PRKCZ: variants seen among roughly 807,000 people sequenced by gnomAD.
PRKCZ encodes the protein protein kinase C zeta type.
A neutral mutation model predicts 79.5 loss-of-function variants in PRKCZ; 33 were observed. The observed-to-expected ratio is 0.41, with a 90% CI of 0.31 to 0.55. The LOEUF is 0.55. Ranked by LOEUF, PRKCZ falls within the 20% of genes least tolerant of loss-of-function variation. PRKCZ has a pLI of 0.19. For missense variants in PRKCZ, 578 were observed against 813.5 expected, an observed-to-expected ratio of 0.71 and a Z score of 3.52; for synonymous variants, 342 against 320.9, an observed-to-expected ratio of 1.07 and a Z score of -0.70.
At chr1:2,061,175 CTG>C (rs762441641) in intron 4 of PRKCZ, among the ~76,000 whole-genome samples, 7 of 152,194 alleles carry the variant, frequency 4.6e-5, no homozygotes, top group Non-Finnish European at 1.0e-4. Flanking sequence ...TGTGCTGAGA[CTG>C]TGCACTCCCA....
At position 2,169,510 on chromosome 1, in the gene PRKCZ, C is replaced by G; in HGVS notation, c.975-8C>G. On this transcript the variant is annotated splice_polypyrimidine_tract_variant and splice_region_variant and intron_variant, in intron 10 of 17. Coordinates refer to ENST00000378567, the MANE Select transcript of PRKCZ (RefSeq NM_002744.6). ...TGACTGCAGCCTCCGGCGCCTCTCT[C>G]CCTGCAGGTTGTTCCTGGTCATTGA... The G allele has an allele frequency of 1.3e-6, 2 of 1,549,230 alleles. No homozygotes were observed. Among genetic ancestry groups the G allele is most frequent in the Admixed American group, 2.0e-5 (1 of 50,910 alleles).
At chr1:2,110,038 G>A (rs1038554532) in intron 4 of PRKCZ, among the ~76,000 whole-genome samples, 7 of 151,892 alleles carry the variant, frequency 4.6e-5, no homozygotes, top group African/African-American at 9.7e-5. Context: ...CCTCCCTGGG[G>A]GCAGCCAAGG....
rs1246272832 is a variant in PRKCZ at position 2,173,785 on chromosome 1, C to T, written c.1286-112C>T. On this transcript the variant is annotated intron_variant, in intron 13 of 17. Coordinates refer to ENST00000378567, the MANE Select transcript of PRKCZ (RefSeq NM_002744.6). This position sits in a 1 kb window ranked among gnomAD's most constrained non-coding sequence, Gnocchi z 5.7. The stretch of plus-strand genomic sequence containing the variant: ...CACAGAGGCCTGTGTGCCGCCTGCT[C>T]AAGCCTGGCTCACACTCGTGTCAAC... 1 of 1,445,476 alleles carries T rather than the reference C, an allele frequency of 6.9e-7. No homozygotes were observed. 89.5% of individuals were successfully genotyped at this position (1,445,476 alleles called of 1,614,324 possible).
At chr1:2,111,189 G>A (rs1226278273) in intron 4 of PRKCZ, among the ~76,000 whole-genome samples, 1 of 152,096 alleles carries the variant, frequency 6.6e-6, no homozygotes, top group African/African-American at 2.4e-5. Context: ...GGCCTAACTC[G>A]GGCTGAGCTG....
At chr1:2,114,046 G>A (rs931170620) in intron 4 of PRKCZ, among the ~76,000 whole-genome samples, 5 of 152,192 alleles carry the variant, frequency 3.3e-5, no homozygotes, top group African/African-American at 9.7e-5. Context: ...GGTGCGTGTG[G>A]CGCGTGGGTG....
intron 16 of PRKCZ, chr1:2,181,773 C>T (rs921539677): frequency 4.4e-6 from 2 of 454,328 alleles, no homozygotes; most frequent in Admixed American, 2.3e-5. Flanking sequence ...TAAAGCAGCA[C>T]AGGACTAAGG....
chr1:2,166,265 A>G (rs1683297414), intron 10 of PRKCZ, among the ~76,000 whole-genome samples: 1 of 152,100 alleles, frequency 6.6e-6, no homozygotes, highest in Non-Finnish European at 1.5e-5. Context: ...CAAAAAATTT[A>G]AAAATTAGCT....
Position 2,055,565 on chromosome 1 carries a change from A to C in PRKCZ, c.193+3A>C, listed in dbSNP as rs781222317. On this transcript the variant is annotated splice_donor_region_variant and intron_variant, in intron 2 of 17. Transcript: ENST00000378567. ...CCTCAAGTGGGTGGACAGCGAAGGT[A>C]GCCCTTGTCCCATGTTGGCCAGAAT... 3 of 1,612,876 alleles carry C rather than the reference A, an allele frequency of 1.9e-6. No homozygotes were observed. Among genetic ancestry groups the C allele is most frequent in the South Asian group, 1.1e-5 (1 of 90,896 alleles).
intron 4 of PRKCZ, among the ~76,000 whole-genome samples, chr1:2,068,943 C>T (rs1310269484): frequency 2.0e-5 from 3 of 152,182 alleles, no homozygotes; most frequent in Non-Finnish European, 4.4e-5. Context: ...TCGGACCCCT[C>T]TAAGAAGGGA....
intron 1 of PRKCZ, among the ~76,000 whole-genome samples, chr1:2,053,732 A>G (rs947620648): frequency 6.6e-6 from 1 of 151,506 alleles, no homozygotes; most frequent in Non-Finnish European, 1.5e-5. Context: ...GTGATGGCCG[A>G]CTCCCACTCT....
In PRKCZ at chr1:2,125,237, A is replaced by G. The variant is rs1673640611; in HGVS notation, c.335-10025A>G. ...AAGGAGCGGTATTTGGTATGAATTT[A>G]TTTGCAACTGACTGCTTGGAAGTTG... On this transcript the variant is annotated intron_variant, in intron 4 of 17. Coordinates refer to ENST00000378567, the MANE Select transcript of PRKCZ (RefSeq NM_002744.6). The surrounding 1 kb of genome is among the most constrained non-coding windows in gnomAD (Gnocchi z 4.2). Among the ~76,000 whole-genome samples the G allele has an allele frequency of 1.3e-5, 2 of 152,198 alleles. No homozygotes were observed. Among genetic ancestry groups the G allele is most frequent in the Admixed American group, 6.5e-5 (1 of 15,282 alleles).
intron 4 of PRKCZ, among the ~76,000 whole-genome samples, chr1:2,099,022 C>G (rs1557554255): frequency 6.6e-6 from 1 of 152,090 alleles, no homozygotes; most frequent in East Asian, 1.9e-4. Flanking sequence ...ATCGCATGCA[C>G]CGTTGTCTGT....
At chr1:2,069,187 C>T (rs1661364879) in intron 4 of PRKCZ, among the ~76,000 whole-genome samples, 1 of 152,222 alleles carries the variant, frequency 6.6e-6, no homozygotes, top group African/African-American at 2.4e-5. Flanking sequence ...GAGCCCTCCC[C>T]TGCATCCGTG....
chr1:2,143,889 C>G (rs1011236556), intron 5 of PRKCZ: 5 of 273,948 alleles, frequency 1.8e-5, no homozygotes, highest in African/African-American at 8.8e-5. Context: ...TGCAGCCCCC[C>G]AGCCCCTGCA....
chr1:2,105,008 G>A, intron 4 of PRKCZ: 2 of 791,224 alleles, frequency 2.5e-6, no homozygotes, highest in South Asian at 1.1e-4. Flanking sequence ...CTTGATCTGT[G>A]ACAGCTCCCC....
intron 4 of PRKCZ, among the ~76,000 whole-genome samples, chr1:2,067,870 A>G (rs1035823851): frequency 6.6e-6 from 1 of 152,138 alleles, no homozygotes; most frequent in Non-Finnish European, 1.5e-5. Flanking sequence ...TCCCCTAGTG[A>G]TACAAATATA....
intron 4 of PRKCZ, chr1:2,104,629 C>G (rs1230810944): frequency 1.0e-6 from 1 of 963,228 alleles, no homozygotes; most frequent in African/African-American, 1.8e-5. Context: ...GGGGTGGAGC[C>G]CAGGCAGGGA....
chr1:2,118,881 C>T (rs1671297708), intron 4 of PRKCZ, among the ~76,000 whole-genome samples: 1 of 152,122 alleles, frequency 6.6e-6, no homozygotes, highest in Admixed American at 6.6e-5. Context: ...TTAATCCAGT[C>T]TGAAAATGGC....
chr1:2,148,868 C>T lies in PRKCZ; in HGVS notation c.635-4C>T. 1 of 1,613,870 alleles carries T rather than the reference C, an allele frequency of 6.2e-7. No homozygotes were observed. On this transcript the variant is annotated splice_region_variant and splice_polypyrimidine_tract_variant and intron_variant, in intron 7 of 17. Transcript: ENST00000378567. ...CGCCCCTTCCTTCCTCCCTCTCTCA[C>T]CAGTTGCTTACATTTCCTCATCCCG...
Sources: allele counts gnomAD v4.1 joint callset (sites outside exome capture counted in the v4.1 genomes callset), GRCh38; gene constraint gnomAD v4.1.1; non-coding constraint Gnocchi (gnomAD v3.1); transcripts MANE v1.5; gene names NCBI Gene and HGNC (gene_info 2026-07-23, HGNC 2026-07-21).